Variants in FBXO34 observed in about 807,000 individuals in gnomAD.
FBXO34 encodes F-box only protein 34.
In FBXO34, 12 loss-of-function variants were observed where a neutral mutation model predicts 24.5. That is an observed-to-expected ratio of 0.49 (90% confidence interval 0.31 to 0.79). FBXO34 has a LOEUF of 0.79. FBXO34 is among the 30% of genes least tolerant of loss of function. The pLI, the probability that FBXO34 is intolerant of heterozygous loss-of-function variation, is 0.04. For missense variants in FBXO34, 823 were observed against 857.7 expected (o/e 0.96, Z 0.51); for synonymous variants, 320 against 311.9 (o/e 1.03, Z -0.27).
At chr14:55,364,175 C>A (rs1337130057), downstream of FBXO34, among the ~76,000 whole-genome samples, 1 of 152,058 alleles carries the variant, frequency 6.6e-6, no homozygotes, top group Non-Finnish European at 1.5e-5. Flanking sequence ...TCTTGAACTC[C>A]TGACCTCAGG....
chr14:55,319,972 A>T (rs1264321226), intron 1 of FBXO34, among the ~76,000 whole-genome samples: 1 of 152,186 alleles, frequency 6.6e-6, no homozygotes, highest in East Asian at 1.9e-4. Flanking sequence ...ACACCTGGCC[A>T]ATTTTTCCTG....
the FBXO34 span, chr14:55,411,990 A>AG: frequency 1.4e-5 from 9 of 631,112 alleles, no homozygotes; most frequent in South Asian, 1.2e-4. Flanking sequence ...CGGTCTGCTG[A>AG]GGGGCAACAG....
At chr14:55,424,426 T>G in the FBXO34 span, among the ~76,000 whole-genome samples, 1 of 152,206 alleles carries the variant, frequency 6.6e-6, no homozygotes, top group Non-Finnish European at 1.5e-5. Context: ...CTAGGTAATA[T>G]CTTATGGAAG....
the FBXO34 span, chr14:55,440,592 C>A: frequency 6.5e-7 from 1 of 1,533,040 alleles, no homozygotes; most frequent in South Asian, 1.3e-5. Flanking sequence ...GGCCCAGGTT[C>A]CTGCAGAGGG....
the FBXO34 span, chr14:55,428,698 C>G: frequency 1.0e-6 from 1 of 976,186 alleles, no homozygotes; most frequent in Admixed American, 2.8e-5. Context: ...TGTCCCCCGC[C>G]TTTTTTTTTT....
chr14:55,436,829 G>T, the FBXO34 span: 1 of 1,614,204 alleles, frequency 6.2e-7, no homozygotes, highest in Non-Finnish European at 8.5e-7. Flanking sequence ...CTAATGACAG[G>T]CTGGTCTTTA....
the FBXO34 span, among the ~76,000 whole-genome samples, chr14:55,429,327 C>A: frequency 6.6e-6 from 1 of 152,360 alleles, no homozygotes; most frequent in Admixed American, 6.5e-5. Context: ...GTTAGAAATG[C>A]AAAGTCCCAG....
At chr14:55,423,460 G>A in the FBXO34 span, among the ~76,000 whole-genome samples, 1 of 152,156 alleles carries the variant, frequency 6.6e-6, no homozygotes, top group African/African-American at 2.4e-5. Flanking sequence ...CCCTTCATAA[G>A]TAGCAAACAA....
the FBXO34 span, among the ~76,000 whole-genome samples, chr14:55,425,480 T>C: frequency 6.6e-6 from 1 of 152,224 alleles, no homozygotes; most frequent in African/African-American, 2.4e-5. Context: ...TTTAGAACCA[T>C]GGTTTTAAGA....
the FBXO34 span, among the ~76,000 whole-genome samples, chr14:55,401,778 A>T: frequency 4.6e-5 from 7 of 152,146 alleles, no homozygotes; most frequent in Admixed American, 4.6e-4. Context: ...AAAGCACACA[A>T]CCCAGCTCGG....
downstream of FBXO34, among the ~76,000 whole-genome samples, chr14:55,357,760 A>G (rs577141585): frequency 2.6e-4 from 40 of 152,364 alleles, no homozygotes; most frequent in African/African-American, 7.7e-4. Flanking sequence ...GCAGTGAGCC[A>G]TGATTGCATC....
chr14:55,339,280 A>G (rs1220178939), intron 1 of FBXO34, among the ~76,000 whole-genome samples: 1 of 152,074 alleles, frequency 6.6e-6, no homozygotes, highest in Non-Finnish European at 1.5e-5. Flanking sequence ...TAAAAAGTAC[A>G]TTGTATGTAC....
chr14:55,323,073 T>C (rs1175976216), intron 1 of FBXO34, among the ~76,000 whole-genome samples: 1 of 140,736 alleles, frequency 7.1e-6, no homozygotes, highest in Non-Finnish European at 1.5e-5. Context: ...TAGTCCCAGC[T>C]AGTCGGGAGG....
the FBXO34 span, among the ~76,000 whole-genome samples, chr14:55,440,095 G>A: frequency 3.3e-5 from 5 of 150,018 alleles, no homozygotes; most frequent in South Asian, 1.0e-3. Flanking sequence ...CCATCTCAGA[G>A]AAAAATCAAT....
chr14:55,365,361 C>T (rs977450972), downstream of FBXO34, among the ~76,000 whole-genome samples: 8 of 152,018 alleles, frequency 5.3e-5, no homozygotes, highest in Non-Finnish European at 7.4e-5. Flanking sequence ...CACTGTGCCC[C>T]GCCCTAAAAA....
At chr14:55,297,395 A>T (rs1208103653) in intron 1 of FBXO34, among the ~76,000 whole-genome samples, 2 of 152,222 alleles carry the variant, frequency 1.3e-5, no homozygotes, top group East Asian at 3.8e-4. Flanking sequence ...TTAACACCTT[A>T]CTAGCCTCTC....
intron 1 of FBXO34, among the ~76,000 whole-genome samples, chr14:55,303,084 A>G (rs1320929769): frequency 6.6e-6 from 1 of 151,886 alleles, no homozygotes; most frequent in Non-Finnish European, 1.5e-5. Flanking sequence ...AATTCTGAAA[A>G]CAGAATAGTG....
intron 1 of FBXO34, among the ~76,000 whole-genome samples, chr14:55,323,218 A>AAAATAT (rs1566555819): frequency 2.8e-4 from 9 of 31,604 alleles, no homozygotes; most frequent in Admixed American, 2.3e-3. Flanking sequence ...AAAAAAAAAA[A>AAAATAT]ATATATATTT....
the FBXO34 span, among the ~76,000 whole-genome samples, chr14:55,441,949 G>A: frequency 6.6e-6 from 1 of 151,680 alleles, no homozygotes; most frequent in African/African-American, 2.4e-5. Flanking sequence ...TTTTAGTAGA[G>A]ACGAGTTTTC....
Sources: gnomAD v4.1 joint callset for allele counts (sites outside exome capture counted in the v4.1 genomes callset) on GRCh38, gnomAD v4.1.1 for gene constraint, MANE v1.5 for transcripts, NCBI Gene and HGNC (gene_info 2026-07-23, HGNC 2026-07-21) for gene names.